TENM4: variants seen among roughly 807,000 people sequenced by gnomAD.
TENM4 encodes the protein teneurin transmembrane protein 4, also known as teneurin-4.
TENM4 carries 82 observed loss-of-function variants against 243.3 expected under a neutral mutation model. The observed-to-expected ratio is 0.34, with a 90% CI of 0.28 to 0.40. TENM4 has a LOEUF of 0.40. Ranked by LOEUF, TENM4 falls within the 10% of genes least tolerant of loss-of-function variation. TENM4 has a pLI of 1.00. For missense variants in TENM4, 3,138 were observed against 3,673.3 expected (o/e 0.85, Z 3.77); for synonymous variants, 1,412 against 1,456.3 (o/e 0.97, Z 0.69).
chr11:78,720,346 G>A (rs781075365), intron 25 of TENM4, 24 bp downstream of exon 25: 35 of 1,613,638 alleles, frequency 2.2e-5, no homozygotes, highest in Non-Finnish European at 2.5e-5. Context: ...GGTGAGGCAG[G>A]AAATTCTCCA....
At chr11:78,888,830 C>T (rs1195638069) in intron 9 of TENM4, among the ~76,000 whole-genome samples, 1 of 152,194 alleles carries the variant, frequency 6.6e-6, no homozygotes, top group African/African-American at 2.4e-5. Flanking sequence ...GGTTCGAGGC[C>T]TTCTCAAGCT....
chr11:78,885,954 A>G, intron 9 of TENM4, among the ~76,000 whole-genome samples: 1 of 152,178 alleles, frequency 6.6e-6, no homozygotes, highest in East Asian at 1.9e-4. Flanking sequence ...AACAAACTAA[A>G]TGTCAAATGA....
chr11:78,983,541 C>T (rs1857850554), intron 6 of TENM4, among the ~76,000 whole-genome samples: 1 of 152,198 alleles, frequency 6.6e-6, no homozygotes, highest in Non-Finnish European at 1.5e-5. Context: ...GGTCATGGCT[C>T]TATGGGGGTT....
intron 6 of TENM4, among the ~76,000 whole-genome samples, chr11:79,029,687 A>C (rs1471581605): frequency 2.0e-5 from 3 of 152,128 alleles, no homozygotes; most frequent in African/African-American, 7.2e-5. Flanking sequence ...CGCAGTTGGA[A>C]TCTTAATTCA....
chr11:79,085,806 A>G (rs577691614), intron 4 of TENM4, among the ~76,000 whole-genome samples: 1 of 152,228 alleles, frequency 6.6e-6, no homozygotes, highest in Non-Finnish European at 1.5e-5. Flanking sequence ...ACTGCTCTGC[A>G]TATACCCATA....
intron 18 of TENM4, among the ~76,000 whole-genome samples, chr11:78,768,536 G>C (rs562570410): frequency 1.3e-5 from 2 of 152,376 alleles, no homozygotes; most frequent in East Asian, 3.9e-4. Flanking sequence ...GGTAGGGACT[G>C]TGTCTTATTT....
intron 6 of TENM4, among the ~76,000 whole-genome samples, chr11:79,004,005 A>AAC (rs1554989596): frequency 2.0e-5 from 3 of 152,028 alleles, no homozygotes; most frequent in Admixed American, 6.6e-5. Context: ...AAAAAAAAAA[A>AAC]AACAGACTTT....
chr11:78,984,572 C>T (rs1857876447), intron 6 of TENM4, among the ~76,000 whole-genome samples: 1 of 152,128 alleles, frequency 6.6e-6, no homozygotes, highest in Non-Finnish European at 1.5e-5. Context: ...GCTGACATGA[C>T]AAGGGACTCA....
chr11:79,069,670 C>T lies in TENM4; in HGVS notation c.223+52G>A, dbSNP rs1379626350. 6.0e-6 allele frequency: 9 copies of T among 1,510,644 alleles called. No individual in the cohort carries two copies. The South Asian group carries it at 8.7e-5, about 15-fold the overall frequency. 93.6% of individuals were successfully genotyped at this position (1,510,644 alleles called of 1,614,324 possible). A position where few individuals can be genotyped will look rare whatever the true frequency, so the allele number is the denominator to read the frequency against. On this transcript the variant is annotated intron_variant, in intron 5 of 33. Coordinates refer to ENST00000278550, the MANE Select transcript of TENM4 (RefSeq NM_001098816.3). ...CACGCCCACCCGAGCCCATGCCTAC[C>T]TGAGCCAAGCTCACCTGCGCCTGAG... is the stretch of plus-strand genomic sequence containing the variant.
chr11:79,070,968 T>A (rs552198149), intron 4 of TENM4, among the ~76,000 whole-genome samples: 2 of 152,338 alleles, frequency 1.3e-5, no homozygotes, highest in South Asian at 4.1e-4. Context: ...CCGTCAGCAC[T>A]GGGCAGCACA....
At chr11:79,247,746 T>A (rs1391041198) in intron 2 of TENM4, among the ~76,000 whole-genome samples, 2 of 152,252 alleles carry the variant, frequency 1.3e-5, no homozygotes, top group African/African-American at 4.8e-5. Flanking sequence ...AGTGACTACA[T>A]GCTCTCCTTC....
chr11:78,671,584 C>T (rs1277797788), intron 31 of TENM4, among the ~76,000 whole-genome samples: 1 of 152,236 alleles, frequency 6.6e-6, no homozygotes, highest in Non-Finnish European at 1.5e-5. Flanking sequence ...GACATGAGTT[C>T]TGATGCTAGA....
At chr11:79,332,654 T>A (rs1857080232) in intron 1 of TENM4, among the ~76,000 whole-genome samples, 1 of 152,212 alleles carries the variant, frequency 6.6e-6, no homozygotes. Flanking sequence ...TCCAATGTTG[T>A]TGTTCCCCCA....
chr11:79,429,987 A>G (rs1315888146), intron 1 of TENM4, among the ~76,000 whole-genome samples: 1 of 152,154 alleles, frequency 6.6e-6, no homozygotes, highest in Non-Finnish European at 1.5e-5. Flanking sequence ...TGGGAGTTGT[A>G]GCTGATGACA....
intron 1 of TENM4, among the ~76,000 whole-genome samples, chr11:79,371,137 A>G (rs1857776893): frequency 6.6e-6 from 1 of 152,238 alleles, no homozygotes; most frequent in African/African-American, 2.4e-5. Flanking sequence ...AAAAATAGAG[A>G]GCTCTGTCTC....
intron 7 of TENM4, among the ~76,000 whole-genome samples, chr11:78,893,095 G>A (rs1264056416): frequency 2.6e-5 from 4 of 152,242 alleles, no homozygotes; most frequent in African/African-American, 4.8e-5. Context: ...TTGGTGAGTC[G>A]TGAAGCACTG....
In TENM4 at chr11:78,834,616, C is replaced by A. The variant is rs574943150; in HGVS notation, c.1681+19488G>T. 2.0e-5 allele frequency among the ~76,000 whole-genome samples: 3 copies of A among 152,256 alleles called. No individual in the cohort carries two copies. In the East Asian group the frequency reaches 5.8e-4, roughly 29 times the overall value. ...CCTTCCTTATAGAGGAGATATGATA[C>A]ATTTGGCTGTCAAAAATGGGATCTA... On this transcript the variant is annotated intron_variant, in intron 12 of 33. Coordinates refer to ENST00000278550, the MANE Select transcript of TENM4 (RefSeq NM_001098816.3).
chr11:78,686,640 CA>C (rs1331835532), intron 29 of TENM4, among the ~76,000 whole-genome samples: 1 of 152,198 alleles, frequency 6.6e-6, no homozygotes, highest in Non-Finnish European at 1.5e-5. Flanking sequence ...AGTTGAAGGA[CA>C]CCCAGCTGGT....
At chr11:78,960,156 C>A (rs1050755243) in intron 6 of TENM4, among the ~76,000 whole-genome samples, 2 of 151,942 alleles carry the variant, frequency 1.3e-5, no homozygotes, top group African/African-American at 4.8e-5. Flanking sequence ...TGCTCCCAGC[C>A]CAGGGTTCCT....
Sources: gnomAD v4.1 joint callset for allele counts (sites outside exome capture counted in the v4.1 genomes callset) on GRCh38, gnomAD v4.1.1 for gene constraint, MANE v1.5 for transcripts, NCBI Gene and HGNC (gene_info 2026-07-23, HGNC 2026-07-21) for gene names.